The following KLF12 variants were observed in gnomAD, a reference collection of about 807,000 sequenced individuals.
KLF12 encodes the protein KLF transcription factor 12.
In KLF12, 9 loss-of-function variants were observed where a neutral mutation model predicts 37.8. The ratio of observed to expected loss-of-function variants is 0.24; its 90% CI spans 0.14 to 0.42. The LOEUF is 0.42. KLF12 is among the 10% of genes least tolerant of loss of function. The pLI is 1.00. For synonymous variants in KLF12, 208 were observed against 202.1 expected (o/e 1.03, Z -0.25); for missense variants, 411 against 516.0 (o/e 0.80, Z 1.97).
At chr13:74,107,721 A>C (rs151134614) in intron 1 of KLF12, among the ~76,000 whole-genome samples, 1 of 152,366 alleles carries the variant, frequency 6.6e-6, no homozygotes, top group Admixed American at 6.5e-5. Flanking sequence ...AATCAGGGGA[A>C]GCCAAGACAA....
chr13:73,908,686 G>A (rs1404238245), intron 3 of KLF12, among the ~76,000 whole-genome samples: 3 of 151,770 alleles, frequency 2.0e-5, no homozygotes, highest in Admixed American at 2.0e-4. Context: ...CACCATATTG[G>A]CCAGGCTTGT....
At chr13:74,112,286 C>T (rs1350817375) in intron 1 of KLF12, among the ~76,000 whole-genome samples, 1 of 149,536 alleles carries the variant, frequency 6.7e-6, no homozygotes, top group Non-Finnish European at 1.5e-5. Flanking sequence ...TACTGTCTGG[C>T]CCTTACGCAA....
chr13:73,990,732 T>C (rs1405729751), intron 2 of KLF12, among the ~76,000 whole-genome samples: 2 of 152,154 alleles, frequency 1.3e-5, no homozygotes, highest in Non-Finnish European at 1.5e-5. Flanking sequence ...AATAATATCA[T>C]TTTGGTAAAA....
the KLF12 span, among the ~76,000 whole-genome samples, chr13:74,205,261 C>T: frequency 6.6e-6 from 1 of 152,096 alleles, no homozygotes; most frequent in East Asian, 1.9e-4. Flanking sequence ...TTAGTGAATT[C>T]ATAATAAAAC....
At chr13:74,216,910 T>C in the KLF12 span, among the ~76,000 whole-genome samples, 1 of 152,364 alleles carries the variant, frequency 6.6e-6, no homozygotes. Context: ...TTTATGACTT[T>C]ATATTAATTA....
In KLF12 at chr13:73,722,197, GTGAATCAAACACCACCC is replaced by G. The variant is rs1236493838; in HGVS notation, c.870-6689_870-6673del. Among the ~76,000 whole-genome samples the G allele has an allele frequency of 2.0e-5, 3 of 152,226 alleles. No individual in the cohort carries two copies. In the East Asian group the frequency reaches 5.8e-4, roughly 29 times the overall value. The stretch of plus-strand genomic sequence containing the variant: ...TGTAGGTAGAATGACTTCTTTGTTA[GTGAATCAAACACCACCC>G]TGGGAATGAATCATCAAGACCACAA... On this transcript the variant is annotated intron_variant, in intron 6 of 7. Coordinates refer to ENST00000377669, the MANE Select transcript of KLF12 (RefSeq NM_007249.5).
intron 6 of KLF12, among the ~76,000 whole-genome samples, chr13:73,760,611 C>T (rs1003100947): frequency 1.3e-5 from 2 of 152,166 alleles, no homozygotes; most frequent in African/African-American, 4.8e-5. Context: ...GTGTGAGCCA[C>T]CACATTTGGC....
At chr13:74,122,182 G>C (rs1195188168) in intron 1 of KLF12, among the ~76,000 whole-genome samples, 1 of 152,038 alleles carries the variant, frequency 6.6e-6, no homozygotes, top group Non-Finnish European at 1.5e-5. Flanking sequence ...ACTTGCAATG[G>C]AGATGTCAGG....
At chr13:73,915,313 T>C (rs1229892569) in intron 3 of KLF12, among the ~76,000 whole-genome samples, 1 of 152,198 alleles carries the variant, frequency 6.6e-6, no homozygotes, top group Non-Finnish European at 1.5e-5. Flanking sequence ...CTTTTGCGGA[T>C]GATAAGGTGA....
intron 1 of KLF12, among the ~76,000 whole-genome samples, chr13:74,015,220 G>A (rs540802198): frequency 1.5e-3 from 230 of 152,182 alleles, no homozygotes; most frequent in Non-Finnish European, 2.8e-3. Flanking sequence ...TATTGCTATT[G>A]TAATCCCTAG....
At chr13:73,886,811 G>A (rs560088298) in intron 3 of KLF12, among the ~76,000 whole-genome samples, 2 of 152,132 alleles carry the variant, frequency 1.3e-5, no homozygotes, top group South Asian at 4.2e-4. Context: ...GACCAACATG[G>A]AGAAACCCAG....
the KLF12 span, among the ~76,000 whole-genome samples, chr13:74,183,841 G>T: frequency 5.9e-5 from 9 of 152,314 alleles, no homozygotes; most frequent in African/African-American, 2.2e-4. Context: ...GGTGGCTGTG[G>T]TGGGAGGATT....
At chr13:73,973,999 T>G in intron 2 of KLF12, among the ~76,000 whole-genome samples, 1 of 152,028 alleles carries the variant, frequency 6.6e-6, no homozygotes, top group Non-Finnish European at 1.5e-5. Flanking sequence ...GAGACATGAC[T>G]AAAAATAAAG....
At chr13:74,136,637 A>C (rs1462043892), upstream of KLF12, among the ~76,000 whole-genome samples, 2 of 152,226 alleles carry the variant, frequency 1.3e-5, no homozygotes, top group Admixed American at 6.5e-5. Context: ...AGCAAACTGC[A>C]CTGCCTTCCT....
the KLF12 span, among the ~76,000 whole-genome samples, chr13:74,235,674 G>C: frequency 6.6e-6 from 1 of 152,060 alleles, no homozygotes; most frequent in Non-Finnish European, 1.5e-5. Context: ...ATTATCAAAA[G>C]CTATACTTTC....
chr13:73,775,866 AC>A lies in KLF12; in HGVS notation c.807-10867del, dbSNP rs1485739074. Among the ~76,000 whole-genome samples, 3 of 152,224 alleles carry A rather than the reference AC, an allele frequency of 2.0e-5. No homozygotes were observed. In the East Asian group the frequency reaches 5.8e-4, roughly 29 times the overall value. ...AAGTATATAATACAGACATTCTGTC[AC>A]CTCAAATTGGACCTATTACAATTTA... On this transcript the variant is annotated intron_variant, in intron 5 of 7. Transcript: ENST00000377669.
the KLF12 span, among the ~76,000 whole-genome samples, chr13:74,245,509 G>A: frequency 6.6e-6 from 1 of 152,096 alleles, no homozygotes; most frequent in African/African-American, 2.4e-5. Flanking sequence ...AAAGACCTGT[G>A]AAGGAATGTT....
chr13:73,701,440 T>A (rs1311007831), intron 7 of KLF12, among the ~76,000 whole-genome samples: 1 of 152,220 alleles, frequency 6.6e-6, no homozygotes, highest in Non-Finnish European at 1.5e-5. Flanking sequence ...GCTTCTTTTG[T>A]CTAACTCACA....
At chr13:74,093,806 A>T (rs1875816274) in intron 1 of KLF12, among the ~76,000 whole-genome samples, 1 of 151,996 alleles carries the variant, frequency 6.6e-6, no homozygotes, top group Non-Finnish European at 1.5e-5. Flanking sequence ...AATAAACAAA[A>T]ATATAAACTA....
Sources: gnomAD v4.1 joint callset for allele counts (sites outside exome capture counted in the v4.1 genomes callset) on GRCh38, gnomAD v4.1.1 for gene constraint, MANE v1.5 for transcripts, NCBI Gene and HGNC (gene_info 2026-07-23, HGNC 2026-07-21) for gene names.